VWA3B: variants seen among roughly 807,000 people sequenced by gnomAD.
The protein encoded by VWA3B is von Willebrand factor A domain-containing protein 3B.
In VWA3B, 138 loss-of-function variants were observed where a neutral mutation model predicts 158.3. The observed-to-expected ratio is 0.87, with a 90% CI of 0.76 to 1.00. The LOEUF is 1.00. VWA3B is among the 50% of genes least tolerant of loss of function. VWA3B has a pLI of 0.00. For missense variants in VWA3B, 1,555 were observed against 1,565.1 expected, an observed-to-expected ratio of 0.99 and a Z score of 0.11; for synonymous variants, 596 against 587.3, an observed-to-expected ratio of 1.01 and a Z score of -0.21.
At chr2:98,249,682 A>G (rs1574195831) in intron 19 of VWA3B, among the ~76,000 whole-genome samples, 1 of 152,270 alleles carries the variant, frequency 6.6e-6, no homozygotes, top group East Asian at 1.9e-4. Context: ...AGGCACAGAG[A>G]GAAAGAACTC....
intron 9 of VWA3B, among the ~76,000 whole-genome samples, chr2:98,187,557 G>C (rs773833088): frequency 3.9e-5 from 6 of 151,976 alleles, no homozygotes; most frequent in Non-Finnish European, 8.8e-5. Context: ...TTCTTTACCA[G>C]GACTTTCCAG....
intron 13 of VWA3B, among the ~76,000 whole-genome samples, chr2:98,213,620 G>T (rs1683725893): frequency 6.6e-6 from 1 of 152,168 alleles, no homozygotes; most frequent in Admixed American, 6.5e-5. Flanking sequence ...CAATGATTTT[G>T]ATATTAACGG....
chr2:98,256,125 C>A lies in VWA3B; in HGVS notation c.2794C>A (p.Arg932Ser), dbSNP rs768838399. 6.2e-7 allele frequency: 1 copy of A among 1,612,194 alleles called. No individual in the cohort carries two copies. Among genetic ancestry groups the A allele is most frequent in the South Asian group, 1.1e-5 (1 of 90,922 alleles). ...VEQAIQSYEK[R>S]LNKIVWRALS... is the part of the protein sequence containing the mutation. ...TTGTTGACTTTTTTTTTTTAACAGGCGCTTGAATAAAATTGTTTGGCGAGC... is the reference window on the plus strand; with the variant it reads ...TTGTTGACTTTTTTTTTTTAACAGGAGCTTGAATAAAATTGTTTGGCGAGC... Residue 932 changes from arginine (R) to serine (S), a missense_variant and splice_region_variant, in exon 21 of 28, where the codon CGC (arginine) becomes AGC (serine). Physicochemically the swap from Arg to Ser is moderately radical, Grantham distance 110 (BLOSUM62 -1). Coordinates refer to ENST00000477737, the MANE Select transcript of VWA3B (RefSeq NM_144992.5).
At chr2:98,181,508 A>G (rs531811298) in intron 9 of VWA3B, among the ~76,000 whole-genome samples, 1 of 152,354 alleles carries the variant, frequency 6.6e-6, no homozygotes, top group East Asian at 1.9e-4. Context: ...CATTATGCAA[A>G]TAGAGAAGCC....
intron 17 of VWA3B, among the ~76,000 whole-genome samples, chr2:98,235,575 G>A (rs796825133): frequency 3.9e-5 from 6 of 152,146 alleles, no homozygotes; most frequent in African/African-American, 1.2e-4. Context: ...ACAGGCAGCC[G>A]CCAACAGGCC....
At chr2:98,154,062 A>G (rs1381006020) in intron 7 of VWA3B, among the ~76,000 whole-genome samples, 1 of 152,080 alleles carries the variant, frequency 6.6e-6, no homozygotes, top group Non-Finnish European at 1.5e-5. Flanking sequence ...GGGTTTCACC[A>G]TGTTGGCCAG....
intron 2 of VWA3B, among the ~76,000 whole-genome samples, chr2:98,110,570 A>G (rs1473593057): frequency 6.6e-6 from 1 of 152,068 alleles, no homozygotes; most frequent in Non-Finnish European, 1.5e-5. Context: ...TTTTATTGAA[A>G]CTGGGACATT....
At chr2:98,216,585 G>A (rs1228419684) in intron 13 of VWA3B, among the ~76,000 whole-genome samples, 1 of 152,216 alleles carries the variant, frequency 6.6e-6, no homozygotes, top group Non-Finnish European at 1.5e-5. Context: ...TGTGTGTGGA[G>A]GAAGGCTGCA....
rs950821716 is a variant in VWA3B, at chr2:98,231,399, A to G, written c.2308+1192A>G. Among the ~76,000 whole-genome samples the G allele has an allele frequency of 1.7e-4, 26 of 152,364 alleles. No individual in the cohort carries two copies. The East Asian group carries it at 3.7e-3, about 21-fold the overall frequency. On this transcript the variant is annotated intron_variant, in intron 16 of 27. Transcript: ENST00000477737. ...GCTTACCACATAACCACATTAATCA[A>G]GACGGTGTGGTATTAGCAGAGGGAT...
intron 7 of VWA3B, among the ~76,000 whole-genome samples, chr2:98,134,367 G>A (rs1433047447): frequency 6.6e-6 from 1 of 152,330 alleles, no homozygotes; most frequent in South Asian, 2.1e-4. Flanking sequence ...CCTGCCCCTT[G>A]TGAGGGCGGA....
rs1163448866 is a variant in VWA3B, at chr2:98,162,972, C to T, written c.1110C>T (p.Asp370=). 5.6e-6 allele frequency: 9 copies of T among 1,614,004 alleles called. No homozygotes were observed. The highest frequency in any genetic ancestry group is 7.6e-6 in the Non-Finnish European group (9 of 1,180,030). The change falls in exon 8 of 28, where the codon GAC becomes GAT. Residue 370 remains aspartate (D), a synonymous_variant. Coordinates refer to ENST00000477737, the MANE Select transcript of VWA3B (RefSeq NM_144992.5). ...EPPKPDVATV[D]CESETTSVEI... ...CCAAGCCCGACGTGGCCACTGTGGA[C>T]TGCGGTTGGTGCTATTTCTGGTCAC... is the stretch of plus-strand genomic sequence containing the variant.
intron 2 of VWA3B, chr2:98,099,480 T>G (rs1202485495): frequency 5.9e-5 from 9 of 152,212 alleles, no homozygotes; most frequent in Admixed American, 5.9e-4. Flanking sequence ...GTTACTAGCT[T>G]CTTTTCTCTT....
At chr2:98,284,291 G>A (rs1313931994) in intron 22 of VWA3B, among the ~76,000 whole-genome samples, 1 of 152,110 alleles carries the variant, frequency 6.6e-6, no homozygotes, top group Non-Finnish European at 1.5e-5. Flanking sequence ...TCATCTCTGA[G>A]GTTATAAACC....
chr2:98,156,425 C>G (rs570733682), intron 7 of VWA3B, among the ~76,000 whole-genome samples: 1 of 152,300 alleles, frequency 6.6e-6, no homozygotes, highest in East Asian at 1.9e-4. Flanking sequence ...CAGTAGCCCA[C>G]GCACACAACC....
At chr2:98,172,382 G>A (rs986839579) in intron 8 of VWA3B, among the ~76,000 whole-genome samples, 8 of 151,414 alleles carry the variant, frequency 5.3e-5, no homozygotes, top group Admixed American at 2.0e-4. Flanking sequence ...CTGGCATGCC[G>A]GTGCGTTCCT....
chr2:98,248,867 C>CTTTCT (rs1553427608), intron 19 of VWA3B, among the ~76,000 whole-genome samples: 72 of 75,096 alleles, frequency 9.6e-4, no homozygotes, highest in African/African-American at 3.8e-3. Context: ...TTCTTTCTTT[C>CTTTCT]TTTCTTTCTT....
At chr2:98,119,442 G>T in intron 3 of VWA3B, 71 bp from the exon 4 acceptor site, 1 of 1,545,472 alleles carries the variant, frequency 6.5e-7, no homozygotes. Flanking sequence ...ACAGTTCTCG[G>T]TGGCAGCACT....
intron 16 of VWA3B, among the ~76,000 whole-genome samples, chr2:98,230,773 C>A (rs919119553): frequency 6.6e-6 from 1 of 152,134 alleles, no homozygotes; most frequent in Admixed American, 6.5e-5. Flanking sequence ...CACCCTTATT[C>A]AGCATAGCAC....
intron 12 of VWA3B, among the ~76,000 whole-genome samples, chr2:98,202,712 A>G (rs1449822350): frequency 6.6e-6 from 1 of 152,112 alleles, no homozygotes; most frequent in Non-Finnish European, 1.5e-5. Context: ...GATCCTGAAG[A>G]TGTTTTCCCC....
Sources: gnomAD v4.1 joint callset for allele counts (sites outside exome capture counted in the v4.1 genomes callset) on GRCh38, gnomAD v4.1.1 for gene constraint, MANE v1.5 for transcripts, NCBI Gene and HGNC (gene_info 2026-07-23, HGNC 2026-07-21) for gene names.